The following ZNF280C variants were observed in gnomAD, a reference collection of about 807,000 sequenced individuals.
ZNF280C encodes zinc finger protein 280C.
A neutral mutation model predicts 53.6 loss-of-function variants in ZNF280C; 14 were observed. The ratio of observed to expected loss-of-function variants is 0.26; its 90% CI spans 0.17 to 0.41. The LOEUF is 0.41. ZNF280C is among the 10% of genes least tolerant of loss of function. The pLI is 1.00. For synonymous variants in ZNF280C, 203 were observed against 181.1 expected, an observed-to-expected ratio of 1.12 and a Z score of -0.97; for missense variants, 416 against 547.1, an observed-to-expected ratio of 0.76 and a Z score of 2.39.
intron 2 of ZNF280C, among the ~76,000 whole-genome samples, chrX:130,255,138 TTTC>T (rs2032554047): frequency 9.4e-6 from 1 of 106,557 alleles, no homozygotes; most frequent in African/African-American, 3.4e-5. Flanking sequence ...TTTCTTTTTT[TTTC>T]TTTTTTTTTT....
At chrX:130,221,651 A>G (rs2032165039) in intron 12 of ZNF280C, among the ~76,000 whole-genome samples, 1 of 111,183 alleles carries the variant, frequency 9.0e-6, no homozygotes, top group Non-Finnish European at 1.9e-5. Context: ...TACATCCCAC[A>G]TTCAACAAAT....
chrX:130,243,516 T>C, intron 5 of ZNF280C, 47 bp downstream of exon 5: 3 of 1,165,157 alleles, frequency 2.6e-6, no homozygotes, highest in Non-Finnish European at 3.5e-6. Flanking sequence ...AGTATTATAA[T>C]AGCCAATGTG....
rs142038442 is a variant in ZNF280C at position 130,204,975 on chromosome X, A to T, written c.*2T>A. ...GTTGCATGAACTCCATGGAGCAGGAATCTATTTCAATGAGCAGCTTTAAGA... is the reference window on the plus strand; with the variant it reads ...GTTGCATGAACTCCATGGAGCAGGATTCTATTTCAATGAGCAGCTTTAAGA... On this transcript the variant is annotated 3_prime_UTR_variant, in exon 19 of 19. Transcript: ENST00000370978. 1.9e-5 allele frequency: 21 copies of T among 1,078,815 alleles called. No homozygotes were observed. In the African/African-American group the frequency reaches 3.8e-4, roughly 19 times the overall value. The allele number at this position is 1,078,815 out of a possible 1,213,427, so 88.9% of individuals were successfully genotyped here. A position where few individuals can be genotyped will look rare whatever the true frequency, so the allele number is the denominator to read the frequency against.
At chrX:130,267,977 T>C (rs1362513457) in intron 1 of ZNF280C, among the ~76,000 whole-genome samples, 1 of 111,967 alleles carries the variant, frequency 8.9e-6, no homozygotes, top group African/African-American at 3.2e-5. Flanking sequence ...CACTTGACAA[T>C]TTCCTCTCGA....
intron 8 of ZNF280C, among the ~76,000 whole-genome samples, chrX:130,234,263 A>G (rs1427794694): frequency 8.9e-6 from 1 of 112,224 alleles, no homozygotes; most frequent in African/African-American, 3.2e-5. Flanking sequence ...TGTGAGCCTG[A>G]TATCAAACAA....
chrX:130,235,984 C>T (rs1033111181), intron 8 of ZNF280C, among the ~76,000 whole-genome samples: 4 of 111,772 alleles, frequency 3.6e-5, no homozygotes, highest in African/African-American at 1.3e-4. Flanking sequence ...AACATAATGG[C>T]TTCCAGTTCT....
intron 3 of ZNF280C, among the ~76,000 whole-genome samples, chrX:130,246,006 C>G (rs2032446134): frequency 9.0e-6 from 1 of 111,112 alleles, no homozygotes; most frequent in Admixed American, 9.6e-5. Context: ...AGGCTGGTCT[C>G]AAACTCCTGG....
At chrX:130,224,795 C>T (rs2032203365) in intron 12 of ZNF280C, among the ~76,000 whole-genome samples, 1 of 111,489 alleles carries the variant, frequency 9.0e-6, no homozygotes, top group Non-Finnish European at 1.9e-5. Flanking sequence ...AATTTTCAGA[C>T]GACTCCTCCC....
intron 12 of ZNF280C, among the ~76,000 whole-genome samples, chrX:130,221,308 T>C (rs748080913): frequency 3.3e-4 from 37 of 111,837 alleles, no homozygotes; most frequent in South Asian, 3.0e-3. Flanking sequence ...AGCTAAGTAA[T>C]AGACAGCAAA....
intron 12 of ZNF280C, among the ~76,000 whole-genome samples, chrX:130,222,637 T>C (rs1386369799): frequency 8.9e-6 from 1 of 112,404 alleles, no homozygotes; most frequent in Non-Finnish European, 1.9e-5. Context: ...GTATGTATGC[T>C]TGCATTGTGC....
At chrX:130,265,910 AATCAT>A (rs1262619055) in intron 1 of ZNF280C, among the ~76,000 whole-genome samples, 2 of 112,098 alleles carry the variant, frequency 1.8e-5, no homozygotes, top group East Asian at 5.5e-4. Context: ...GCTCAATTAA[AATCAT>A]ATCATAAATA....
intron 3 of ZNF280C, 55 bp downstream of exon 3, chrX:130,246,804 T>C: frequency 1.7e-6 from 2 of 1,170,422 alleles, no homozygotes; most frequent in South Asian, 3.8e-5. Context: ...TCATATATTT[T>C]CCATTAGAAA....
At chrX:130,267,052 G>C (rs1288349639) in intron 1 of ZNF280C, among the ~76,000 whole-genome samples, 1 of 106,276 alleles carries the variant, frequency 9.4e-6, no homozygotes, top group Admixed American at 1.0e-4. Context: ...AGTGAGCTGA[G>C]ATCGCGCCAC....
At chrX:130,234,878 A>T (rs1201908868) in intron 8 of ZNF280C, among the ~76,000 whole-genome samples, 2 of 112,013 alleles carry the variant, frequency 1.8e-5, no homozygotes, top group East Asian at 5.5e-4. Flanking sequence ...GAATTCATTT[A>T]TAACTATATA....
chrX:130,216,373 C>T (rs1012265696), intron 13 of ZNF280C, among the ~76,000 whole-genome samples: 2 of 111,867 alleles, frequency 1.8e-5, no homozygotes, highest in African/African-American at 6.5e-5. Context: ...AACTATAAAA[C>T]TCTTAGAAGA....
At chrX:130,251,287 A>C (rs1301293042) in intron 2 of ZNF280C, among the ~76,000 whole-genome samples, 1 of 95,718 alleles carries the variant, frequency 1.0e-5, no homozygotes, top group Non-Finnish European at 2.1e-5. Context: ...TGTCTCAAAA[A>C]AAAAAAAAAA....
At chrX:130,265,073 T>C (rs999223686) in intron 1 of ZNF280C, among the ~76,000 whole-genome samples, 1 of 111,905 alleles carries the variant, frequency 8.9e-6, no homozygotes, top group Non-Finnish European at 1.9e-5. Context: ...CTATGCAAAT[T>C]ATCTTTTTTT....
chrX:130,209,875 TTC>T (rs749322575), intron 15 of ZNF280C, among the ~76,000 whole-genome samples, 160 bp from the exon 16 acceptor site: 5 of 112,093 alleles, frequency 4.5e-5, no homozygotes, highest in East Asian at 5.5e-4. Context: ...TAATCTGAAT[TTC>T]TGTGTCACCC....
chrX:130,240,284 T>A (rs1428574738), intron 5 of ZNF280C, among the ~76,000 whole-genome samples: 1 of 111,433 alleles, frequency 9.0e-6, no homozygotes, highest in Non-Finnish European at 1.9e-5. Context: ...AAATATATAT[T>A]AATATGGTCC....
Sources: gnomAD v4.1 joint callset for allele counts (sites outside exome capture counted in the v4.1 genomes callset) on GRCh38, gnomAD v4.1.1 for gene constraint, MANE v1.5 for transcripts, NCBI Gene and HGNC (gene_info 2026-07-23, HGNC 2026-07-21) for gene names.